Variants in ESS2 observed in about 807,000 individuals in gnomAD.
ESS2 encodes the protein splicing factor ESS-2 homolog.
Under a neutral mutation model 52.0 loss-of-function variants are expected in ESS2, and 31 were observed. The ratio of observed to expected loss-of-function variants is 0.60; its 90% CI spans 0.45 to 0.81. ESS2 has a LOEUF of 0.81. Ranked by LOEUF, ESS2 falls within the 30% of genes least tolerant of loss-of-function variation. The pLI is 0.00. For missense variants in ESS2, 602 were observed against 637.2 expected, an observed-to-expected ratio of 0.94 and a Z score of 0.59; for synonymous variants, 285 against 259.2, an observed-to-expected ratio of 1.10 and a Z score of -0.95.
intron 1 of ESS2, chr22:19,143,950 A>T: frequency 4.0e-6 from 3 of 740,754 alleles, no homozygotes; most frequent in Non-Finnish European, 4.9e-6. Flanking sequence ...CTCCAGCCAG[A>T]CCTTGCTCCC....
Position 19,138,264 on chromosome 22 carries a change from G to C in ESS2, c.876C>G (p.Ser292=). 1 of 1,613,978 alleles carries C rather than the reference G, an allele frequency of 6.2e-7. No individual in the cohort carries two copies. ...CAAATCCAAATCCACCCACTCGAGGGGACTCCTGGGGGATCAGCTCCTTGC... is the reference window on the plus strand; with the variant it reads ...CAAATCCAAATCCACCCACTCGAGGCGACTCCTGGGGGATCAGCTCCTTGC... The part of the protein sequence containing the change: ...PDGKELIPQE[S]PRVGGFGFVA... The change falls in exon 7 of 10, where the codon TCC becomes TCG. Residue 292 remains serine, a synonymous_variant. Coordinates refer to ENST00000252137, the MANE Select transcript of ESS2 (RefSeq NM_022719.3).
chr22:19,140,318 AC>A (rs1183187145), intron 3 of ESS2, among the ~76,000 whole-genome samples: 3 of 152,136 alleles, frequency 2.0e-5, no homozygotes, highest in African/African-American at 7.2e-5. Flanking sequence ...AGAAAGCAAT[AC>A]AGGTGTTAGA....
chr22:19,143,006 A>G (rs749986927), intron 1 of ESS2, 112 bp from the exon 2 acceptor site: 4 of 1,073,430 alleles, frequency 3.7e-6, no homozygotes, highest in Admixed American at 2.4e-5. Context: ...GAAGTTCAAG[A>G]CCAGCCTGGC....
At position 19,131,033 on chromosome 22, in the gene ESS2, C is replaced by T. The variant is rs1327624881; in HGVS notation, c.*3163G>A. The T allele has an allele frequency of 4.1e-6, 1 of 243,358 alleles. No homozygotes were observed. The highest frequency in any genetic ancestry group is 6.9e-5 in the South Asian group (1 of 14,422). The allele number at this position is 243,358 out of a possible 1,614,324, so 15.1% of individuals were successfully genotyped here. On this transcript the variant is annotated 3_prime_UTR_variant, in exon 10 of 10. Coordinates refer to ENST00000252137, the MANE Select transcript of ESS2 (RefSeq NM_022719.3). The surrounding 1 kb of genome is among the most constrained non-coding windows in gnomAD (Gnocchi z 5.7). ...TGATGCAAACAGGCTGGACGTGGGC[C>T]GCCTCCCCTCCAGCTTGACTTGTGA...
At position 19,132,009 on chromosome 22, in the gene ESS2, G is replaced by A. The variant is rs151069324; in HGVS notation, c.*2187C>T. 937 of 1,614,144 alleles carry A rather than the reference G, an allele frequency of 5.8e-4. 1 individual carries two copies. Among genetic ancestry groups the A allele is most frequent in the East Asian group, 9.6e-4 (43 of 44,880 alleles). On this transcript the variant is annotated 3_prime_UTR_variant, in exon 10 of 10. Transcript: ENST00000252137. This position sits in a 1 kb window ranked among gnomAD's most constrained non-coding sequence, Gnocchi z 4.2. Reference sequence around the variant, plus strand: ...GGTGTATGACATCTGGAGCCTGGGCGTGATCCTGTACATCATGGTCTGCGG... The same window carrying A: ...GGTGTATGACATCTGGAGCCTGGGCATGATCCTGTACATCATGGTCTGCGG...
chr22:19,130,594 T>C lies in ESS2; in HGVS notation c.*3602A>G, dbSNP rs1008996523. 1 of 411,160 alleles carries C rather than the reference T, an allele frequency of 2.4e-6. No individual in the cohort carries two copies. Among genetic ancestry groups the C allele is most frequent in the African/African-American group, 2.1e-5 (1 of 47,926 alleles). The allele number at this position is 411,160 out of a possible 1,614,324, so 25.5% of individuals were successfully genotyped here. A position where few individuals can be genotyped will look rare whatever the true frequency, so the allele number is the denominator to read the frequency against. On this transcript the variant is annotated 3_prime_UTR_variant, in exon 10 of 10. Coordinates refer to ENST00000252137, the MANE Select transcript of ESS2 (RefSeq NM_022719.3). ...CTTGGTCCAGAGAGCTGCCTTAGAC[T>C]ATCCAATTGATCTATTCAAACAGCT...
intron 3 of ESS2, among the ~76,000 whole-genome samples, chr22:19,141,389 G>A (rs1274365353): frequency 6.6e-6 from 1 of 152,220 alleles, no homozygotes; most frequent in East Asian, 1.9e-4. Flanking sequence ...CTGATGAAAA[G>A]AGGGCCTGAC....
chr22:19,134,287 G>A lies in ESS2; in HGVS notation c.1340C>T (p.Ala447Val), dbSNP rs2083541635. ...TPTSTPAPGS[A>V]TRTPLTQDPA... ...GTCCTGTGTGAGAGGGGTGCGTGTG[G>A]CAGAGCCAGGCGCCGGTGTGCTTGT... is the stretch of plus-strand genomic sequence containing the variant. Residue 447 changes from alanine (A) to valine (V), a missense_variant, in exon 10 of 10, where the codon GCC becomes GTC. Transcript: ENST00000252137. The A allele has an allele frequency of 2.5e-6, 4 of 1,597,636 alleles. No individual in the cohort carries two copies. In the South Asian group the frequency reaches 3.3e-5, roughly 13 times the overall value.
Position 19,131,337 on chromosome 22 carries a change from A to G in ESS2, c.*2859T>C. 2.1e-6 allele frequency: 3 copies of G among 1,448,590 alleles called. No homozygotes were observed. Among genetic ancestry groups the G allele is most frequent in the Non-Finnish European group, 2.8e-6 (3 of 1,062,276 alleles). 89.7% of individuals were successfully genotyped at this position (1,448,590 alleles called of 1,614,324 possible). A position where few individuals can be genotyped will look rare whatever the true frequency, so the allele number is the denominator to read the frequency against. Reference sequence around the variant, plus strand: ...GCCTCCGGTAGTGTAAATGAGGACAATGCCTGCTGGCCCACATGACGGGGG... The same window carrying G: ...GCCTCCGGTAGTGTAAATGAGGACAGTGCCTGCTGGCCCACATGACGGGGG... On this transcript the variant is annotated 3_prime_UTR_variant, in exon 10 of 10. Coordinates refer to ENST00000252137, the MANE Select transcript of ESS2 (RefSeq NM_022719.3). The surrounding 1 kb of genome is among the most constrained non-coding windows in gnomAD (Gnocchi z 5.7).
Position 19,134,317 on chromosome 22 carries a change from G to A in ESS2, c.1310C>T (p.Thr437Ile), listed in dbSNP as rs765237389. Residue 437 changes from threonine to isoleucine, a missense_variant, in exon 10 of 10, where the codon ACC (threonine) becomes ATC (isoleucine). Thr to Ile is a moderately conservative substitution (Grantham distance 89). Coordinates refer to ENST00000252137, the MANE Select transcript of ESS2 (RefSeq NM_022719.3). Reference protein sequence around the residue: ...HLKTPASGLQTPTSTPAPGSA... With the variant: ...HLKTPASGLQIPTSTPAPGSA... Reference sequence around the variant, plus strand: ...GCCAGGCGCCGGTGTGCTTGTGGGGGTCTGCAGCCCACTGGCCGGGGTCTT... The same window carrying A: ...GCCAGGCGCCGGTGTGCTTGTGGGGATCTGCAGCCCACTGGCCGGGGTCTT... 2 of 1,609,772 alleles carry A rather than the reference G, an allele frequency of 1.2e-6. No homozygotes were observed. Among genetic ancestry groups the A allele is most frequent in the Admixed American group, 3.4e-5 (2 of 59,518 alleles).
intron 8 of ESS2, 51 bp from the exon 9 acceptor site, chr22:19,135,226 G>C (rs940081156): frequency 9.4e-6 from 14 of 1,487,290 alleles, no homozygotes; most frequent in Non-Finnish European, 1.3e-5. Context: ...CCACACGCCA[G>C]GCAGCCCCTC....
chr22:19,139,805 C>T lies in ESS2; in HGVS notation c.570+50G>A, dbSNP rs199604424. 7.4e-6 allele frequency: 12 copies of T among 1,613,772 alleles called. No individual in the cohort carries two copies. The East Asian group carries it at 2.7e-4, about 36-fold the overall frequency. On this transcript the variant is annotated intron_variant, in intron 4 of 9. Coordinates refer to ENST00000252137, the MANE Select transcript of ESS2 (RefSeq NM_022719.3). ...ACCCATGGCCCTGGGGCTCCCCAAC[C>T]ACCACAGAGGGTGCCTACGCCTATG...
At position 19,134,132 on chromosome 22, in the gene ESS2, T is replaced by C; in HGVS notation, c.*64A>G. On this transcript the variant is annotated 3_prime_UTR_variant, in exon 10 of 10. Transcript: ENST00000252137. ...GGGCCCCGAGAAGGCTGGAGTCCTCTGCTGGGTGTACAGCTGCCCTGCAGG... is the reference window on the plus strand; with the variant it reads ...GGGCCCCGAGAAGGCTGGAGTCCTCCGCTGGGTGTACAGCTGCCCTGCAGG... 6.9e-7 allele frequency: 1 copy of C among 1,444,226 alleles called. No homozygotes were observed. Among genetic ancestry groups the C allele is most frequent in the Non-Finnish European group, 9.1e-7 (1 of 1,099,118 alleles). The allele number at this position is 1,444,226 out of a possible 1,614,324, so 89.5% of individuals were successfully genotyped here.
In ESS2 at chr22:19,130,438, T is replaced by TA; in HGVS notation, c.*3757dup. ...GCAATCACCTAAGTCTACTGGTAACTAATTTTGTTCCAAGGAGAAGGTCAG... is the reference window on the plus strand; with the variant it reads ...GCAATCACCTAAGTCTACTGGTAACTAAATTTTGTTCCAAGGAGAAGGTCAG... On this transcript the variant is annotated 3_prime_UTR_variant, in exon 10 of 10. Transcript: ENST00000252137. The TA allele has an allele frequency of 4.2e-6, 1 of 239,710 alleles. No individual in the cohort carries two copies. Among genetic ancestry groups the TA allele is most frequent in the Non-Finnish European group, 8.2e-6 (1 of 122,498 alleles). 14.8% of individuals were successfully genotyped at this position (239,710 alleles called of 1,614,324 possible).
intron 5 of ESS2, 125 bp downstream of exon 5, chr22:19,139,487 C>T: frequency 8.1e-7 from 1 of 1,235,552 alleles, no homozygotes; most frequent in African/African-American, 1.5e-5. Context: ...CAGACCAGTA[C>T]CCATCAGAAG....
At position 19,132,228 on chromosome 22, in the gene ESS2, C is replaced by A. The variant is rs2083516228; in HGVS notation, c.*1968G>T. ...CCACTCGTGGCTGCAGCCCCCCAAG[C>A]CCAAAGCCACGTCTTCTGCCTCCTT... On this transcript the variant is annotated 3_prime_UTR_variant, in exon 10 of 10. Coordinates refer to ENST00000252137, the MANE Select transcript of ESS2 (RefSeq NM_022719.3). This position sits in a 1 kb window ranked among gnomAD's most constrained non-coding sequence, Gnocchi z 4.2. 1 of 1,612,284 alleles carries A rather than the reference C, an allele frequency of 6.2e-7. No individual in the cohort carries two copies. Among genetic ancestry groups the A allele is most frequent in the Non-Finnish European group, 8.5e-7 (1 of 1,178,688 alleles).
intron 1 of ESS2, 29 bp from the exon 2 acceptor site, chr22:19,142,923 G>A (rs777226218): frequency 1.9e-5 from 30 of 1,598,708 alleles, no homozygotes; most frequent in Non-Finnish European, 2.6e-6. Context: ...ATGAAAGTCA[G>A]AGGCCAGGCG....
chr22:19,137,821 T>A lies in ESS2; in HGVS notation c.926-389A>T, dbSNP rs115479635. 2,307 of 985,196 alleles carry A rather than the reference T, an allele frequency of 2.3e-3. 48 individuals are homozygous for A. In the African/African-American group the frequency reaches 0.038, roughly 16 times the overall value. 61.0% of individuals were successfully genotyped at this position (985,196 alleles called of 1,614,324 possible). A position where few individuals can be genotyped will look rare whatever the true frequency, so the allele number is the denominator to read the frequency against. The stretch of plus-strand genomic sequence containing the variant: ...GCACCCAAGAGCACAGAGGCCAGAG[T>A]GCAGAGGGACACCCACGCATGCCAC... On this transcript the variant is annotated intron_variant, in intron 7 of 9. Coordinates refer to ENST00000252137, the MANE Select transcript of ESS2 (RefSeq NM_022719.3).
At chr22:19,140,767 G>A (rs1480386623) in intron 3 of ESS2, among the ~76,000 whole-genome samples, 1 of 152,356 alleles carries the variant, frequency 6.6e-6, no homozygotes, top group African/African-American at 2.4e-5. Flanking sequence ...ACAAGGCACA[G>A]TGGCTACAAG....
Sources: allele counts gnomAD v4.1 joint callset (sites outside exome capture counted in the v4.1 genomes callset), GRCh38; gene constraint gnomAD v4.1.1; non-coding constraint Gnocchi (gnomAD v3.1); transcripts MANE v1.5; gene names NCBI Gene and HGNC (gene_info 2026-07-23, HGNC 2026-07-21).